Variants in GRSF1 observed in about 807,000 individuals in gnomAD.
GRSF1 encodes the protein G-rich RNA sequence binding factor 1, also known as G-rich sequence factor 1.
GRSF1 carries 50 observed loss-of-function variants against 51.1 expected under a neutral mutation model. The ratio of observed to expected loss-of-function variants is 0.98; its 90% CI spans 0.78 to 1.24. The LOEUF (loss-of-function observed/expected upper bound fraction) is 1.24, where lower values mean the gene tolerates loss of function less well. GRSF1 is among the 50% of genes most tolerant of loss of function. GRSF1 has a pLI of 0.00. For missense variants in GRSF1, 700 were observed against 639.7 expected, an observed-to-expected ratio of 1.09 and a Z score of -1.02; for synonymous variants, 293 against 253.3, an observed-to-expected ratio of 1.16 and a Z score of -1.49.
chr4:70,833,018 A>G (rs1734050219), intron 3 of GRSF1, 100 bp downstream of exon 3: 1 of 1,040,034 alleles, frequency 9.6e-7, no homozygotes, highest in Non-Finnish European at 1.4e-6. Context: ...GCATTCATAC[A>G]ATCTAAATAC....
upstream of GRSF1, among the ~76,000 whole-genome samples, chr4:70,842,993 G>A (rs998416312): frequency 1.3e-5 from 2 of 151,764 alleles, no homozygotes; most frequent in African/African-American, 4.9e-5. Context: ...GCTTCAGTGA[G>A]CTGAGACCGC....
At chr4:70,827,164 T>G (rs1277479091) in intron 6 of GRSF1, among the ~76,000 whole-genome samples, 5 of 151,898 alleles carry the variant, frequency 3.3e-5, no homozygotes, top group African/African-American at 1.2e-4. Context: ...GGCAGGCGCC[T>G]GTAGTCCCAG....
At chr4:70,835,712 A>T (rs1469004029) in intron 2 of GRSF1, among the ~76,000 whole-genome samples, 5 of 152,084 alleles carry the variant, frequency 3.3e-5, no homozygotes, top group Non-Finnish European at 7.4e-5. Flanking sequence ...AAGTGCTGGG[A>T]TTACAGGCGT....
intron 5 of GRSF1, among the ~76,000 whole-genome samples, chr4:70,830,084 T>C (rs973078218): frequency 3.3e-5 from 5 of 152,060 alleles, no homozygotes; most frequent in African/African-American, 1.2e-4. Context: ...CAAAAGTCAA[T>C]TGCTTTTAAA....
chr4:70,841,872 A>G (rs1054863089), upstream of GRSF1, among the ~76,000 whole-genome samples: 3 of 152,226 alleles, frequency 2.0e-5, no homozygotes, highest in Non-Finnish European at 4.4e-5. Context: ...TGTCATTTTT[A>G]TACAAAAACA....
At chr4:70,838,090 G>A (rs1734290516) in intron 1 of GRSF1, among the ~76,000 whole-genome samples, 1 of 151,522 alleles carries the variant, frequency 6.6e-6, no homozygotes, top group Non-Finnish European at 1.5e-5. Flanking sequence ...GCAGTGGCGG[G>A]CGCCTGTAGT....
rs755415371 is a variant in GRSF1, at chr4:70,827,880, C to A, written c.1107G>T (p.Met369Ile). The change falls in exon 6 of 10, where the codon ATG (methionine) becomes ATT (isoleucine). Residue 369 changes from methionine (M) to isoleucine (I), a missense_variant. By Grantham distance (10) the Met-to-Ile change is conservative. Transcript: ENST00000254799. The stretch of plus-strand genomic sequence containing the variant: ...TTTCCTTCTCACTTTCAAAAGCTGT[C>A]ATGGGTTGAATATCCTCATTTACTT... ...EHEVNEDIQP[M>I]TAFESEKEIE... is the part of the protein sequence containing the mutation. 2 of 1,612,960 alleles carry A rather than the reference C, an allele frequency of 1.2e-6. No homozygotes were observed. The highest frequency in any genetic ancestry group is 1.1e-5 in the South Asian group (1 of 90,840).
chr4:70,832,182 C>G (rs1734004754), intron 4 of GRSF1, 125 bp downstream of exon 4: 1 of 566,502 alleles, frequency 1.8e-6, no homozygotes, highest in Non-Finnish European at 2.9e-6. Flanking sequence ...AAGTGAAGAG[C>G]TCTCCCCTAA....
intron 9 of GRSF1, among the ~76,000 whole-genome samples, chr4:70,822,412 GTC>G (rs1733554655): frequency 6.6e-6 from 1 of 151,396 alleles, no homozygotes; most frequent in African/African-American, 2.4e-5. Context: ...GTGAAACCCC[GTC>G]TCTACTAAAT....
chr4:70,824,210 T>A (rs1313476044), intron 9 of GRSF1, 84 bp downstream of exon 9: 2 of 616,302 alleles, frequency 3.2e-6, no homozygotes, highest in Non-Finnish European at 6.1e-6. Flanking sequence ...CCTCAGGTGG[T>A]CCGCCCACCT....
chr4:70,839,634 C>T lies in GRSF1; in HGVS notation c.194G>A (p.Gly65Asp). ...GGGAGGCACAGGCCCGGTCTGGAGG[C>T]CACGCGTCTGGGAGGCAGCGGCCGC... ...AAAAAASQTR[G>D]LQTGPVPPGR... is the part of the protein sequence containing the mutation. Residue 65 changes from glycine (G) to aspartate (D), a missense_variant, in exon 1 of 10, where the codon GGC becomes GAC. Transcript: ENST00000254799. 7.1e-7 allele frequency: 1 copy of T among 1,400,434 alleles called. No individual in the cohort carries two copies. Among genetic ancestry groups the T allele is most frequent in the Non-Finnish European group, 9.2e-7 (1 of 1,089,198 alleles). The allele number at this position is 1,400,434 out of a possible 1,614,324, so 86.8% of individuals were successfully genotyped here.
At chr4:70,824,495 A>T in intron 8 of GRSF1, 127 bp from the exon 9 acceptor site, 1 of 580,504 alleles carries the variant, frequency 1.7e-6, no homozygotes. Context: ...TAAAAACAAA[A>T]TTTAGGCCAG....
rs1467520693 is a variant in GRSF1, at chr4:70,839,597, CGCCAGCCTCCCGGGAGGCACA to C, written c.210_230del (p.Val71_Ala77del). On this transcript the variant is annotated inframe_deletion, in exon 1 of 10. Coordinates refer to ENST00000254799, the MANE Select transcript of GRSF1 (RefSeq NM_002092.4). ...CAGAGGTGGCCACAGCGGGAGGCCC[CGCCAGCCTCCCGGGAGGCACA>C]GGCCCGGTCTGGAGGCCACGCGTCT... 7.1e-7 allele frequency: 1 copy of C among 1,411,372 alleles called. No homozygotes were observed. Among genetic ancestry groups the C allele is most frequent in the Non-Finnish European group, 9.2e-7 (1 of 1,087,718 alleles). 87.4% of individuals were successfully genotyped at this position (1,411,372 alleles called of 1,614,324 possible).
upstream of GRSF1, among the ~76,000 whole-genome samples, chr4:70,842,160 C>T (rs1401560700): frequency 1.3e-5 from 2 of 152,288 alleles, no homozygotes; most frequent in South Asian, 2.1e-4. Context: ...GTGCTGAGGT[C>T]AGGCTGGTTT....
intron 6 of GRSF1, among the ~76,000 whole-genome samples, chr4:70,826,596 T>C (rs1471920871): frequency 6.7e-6 from 1 of 150,366 alleles, no homozygotes; most frequent in Non-Finnish European, 1.5e-5. Flanking sequence ...TCCCAACACT[T>C]TGGAAGGCTG....
chr4:70,817,238 G>A lies in GRSF1; in HGVS notation c.*3649C>T, dbSNP rs905258962. On this transcript the variant is annotated 3_prime_UTR_variant, in exon 10 of 10. Coordinates refer to ENST00000254799, the MANE Select transcript of GRSF1 (RefSeq NM_002092.4). ...CTGCTTTTTTTTTTTCTGAGACAGG[G>A]TCTCACTCTGTCACTCAGGCTGGAG... The A allele has an allele frequency of 6.6e-6, 1 of 151,442 alleles. No homozygotes were observed. The highest frequency in any genetic ancestry group is 2.4e-5 in the African/African-American group (1 of 41,144). 9.4% of individuals were successfully genotyped at this position (151,442 alleles called of 1,614,324 possible). A position where few individuals can be genotyped will look rare whatever the true frequency, so the allele number is the denominator to read the frequency against.
At chr4:70,836,112 A>C (rs1734195549) in intron 2 of GRSF1, 46 bp downstream of exon 2, 1 of 1,152,242 alleles carries the variant, frequency 8.7e-7, no homozygotes. Context: ...TGTGAGAAAC[A>C]ATATAAGGAA....
chr4:70,824,216 C>G, intron 9 of GRSF1, 78 bp downstream of exon 9: 1 of 656,260 alleles, frequency 1.5e-6, no homozygotes, highest in East Asian at 3.0e-5. Flanking sequence ...GTGGTCCGCC[C>G]ACCTTGGCCT....
At chr4:70,822,249 T>C (rs1733544655) in intron 9 of GRSF1, among the ~76,000 whole-genome samples, 2 of 152,138 alleles carry the variant, frequency 1.3e-5, no homozygotes. Context: ...TTATGGATGA[T>C]ACACTCTGGT....
Sources: gnomAD v4.1 joint callset for allele counts (sites outside exome capture counted in the v4.1 genomes callset) on GRCh38, gnomAD v4.1.1 for gene constraint, MANE v1.5 for transcripts, NCBI Gene and HGNC (gene_info 2026-07-23, HGNC 2026-07-21) for gene names.